The following CFDP1 variants were observed in gnomAD, a reference collection of about 807,000 sequenced individuals.
CFDP1 encodes the protein heterochromatin-stabilizing protein CFDP1.
A neutral mutation model predicts 40.1 loss-of-function variants in CFDP1; 31 were observed. The ratio of observed to expected loss-of-function variants is 0.77; its 90% CI spans 0.58 to 1.04. The LOEUF (loss-of-function observed/expected upper bound fraction) is 1.04. CFDP1 is among the 50% of genes least tolerant of loss of function. CFDP1 has a pLI of 0.00. For missense variants in CFDP1, 423 were observed against 343.4 expected, an observed-to-expected ratio of 1.23 and a Z score of -1.83; for synonymous variants, 167 against 120.0, an observed-to-expected ratio of 1.39 and a Z score of -2.56.
chr16:75,296,134 A>T (rs891423837), intron 6 of CFDP1, among the ~76,000 whole-genome samples: 2 of 152,202 alleles, frequency 1.3e-5, no homozygotes, highest in African/African-American at 4.8e-5. Context: ...TGGGGGTGTA[A>T]GAGGAATTTA....
intron 3 of CFDP1, 41 bp from the exon 4 acceptor site, chr16:75,411,993 G>C: frequency 6.4e-7 from 1 of 1,560,598 alleles, no homozygotes; most frequent in Non-Finnish European, 8.6e-7. Context: ...ACCAAAAGAT[G>C]AACCATATTG....
intron 5 of CFDP1, among the ~76,000 whole-genome samples, chr16:75,322,632 C>A (rs916912319): frequency 1.3e-5 from 2 of 151,914 alleles, no homozygotes; most frequent in African/African-American, 4.8e-5. Context: ...CATCCTAAAC[C>A]CAAAAATCTG....
chr16:75,429,890 C>G (rs1372446347), intron 1 of CFDP1, among the ~76,000 whole-genome samples: 1 of 152,208 alleles, frequency 6.6e-6, no homozygotes, highest in Non-Finnish European at 1.5e-5. Context: ...TGAGTAACCA[C>G]AGCCCATGAT....
At chr16:75,393,967 A>G (rs532385423) in intron 5 of CFDP1, among the ~76,000 whole-genome samples, 24 of 151,820 alleles carry the variant, frequency 1.6e-4, no homozygotes, top group Admixed American at 1.4e-3. Context: ...AGGCAGAAGA[A>G]TGACATGAAC....
chr16:75,328,754 A>T (rs928482205), intron 5 of CFDP1, among the ~76,000 whole-genome samples: 3 of 151,190 alleles, frequency 2.0e-5, no homozygotes, highest in African/African-American at 7.3e-5. Flanking sequence ...TCTTGGCTCA[A>T]TGCAACCTCT....
chr16:75,404,662 C>G (rs764923166), intron 4 of CFDP1, among the ~76,000 whole-genome samples: 17 of 150,964 alleles, frequency 1.1e-4, no homozygotes, highest in Non-Finnish European at 2.1e-4. Context: ...TGCAGCAATC[C>G]AAATTGAGGG....
intron 5 of CFDP1, among the ~76,000 whole-genome samples, chr16:75,335,169 G>C (rs190523344): frequency 1.4e-4 from 21 of 152,286 alleles, no homozygotes; most frequent in Admixed American, 2.6e-4. Context: ...CATAAATGTG[G>C]TAAGTTCCCC....
intron 5 of CFDP1, chr16:75,380,057 G>C (rs1369311347): frequency 1.3e-5 from 2 of 151,572 alleles, no homozygotes; most frequent in Non-Finnish European, 2.9e-5. Flanking sequence ...AAAATCGCTT[G>C]AACTCAGGAG....
At chr16:75,359,442 C>A (rs552780028) in intron 5 of CFDP1, among the ~76,000 whole-genome samples, 1 of 152,274 alleles carries the variant, frequency 6.6e-6, no homozygotes, top group East Asian at 1.9e-4. Flanking sequence ...GAGGCTAATA[C>A]GCTGTGAAGG....
At chr16:75,355,768 T>G (rs2078640799) in intron 5 of CFDP1, among the ~76,000 whole-genome samples, 1 of 152,192 alleles carries the variant, frequency 6.6e-6, no homozygotes, top group African/African-American at 2.4e-5. Flanking sequence ...CTGCTTGCAC[T>G]CATTCTCTCT....
chr16:75,403,313 G>A (rs1241606482), intron 4 of CFDP1, among the ~76,000 whole-genome samples: 1 of 152,130 alleles, frequency 6.6e-6, no homozygotes, highest in Admixed American at 6.6e-5. Flanking sequence ...CTGCCTCCTG[G>A]TCTCAAGGGA....
chr16:75,389,207 G>A (rs1278458829), intron 5 of CFDP1, among the ~76,000 whole-genome samples: 1 of 152,226 alleles, frequency 6.6e-6, no homozygotes, highest in Non-Finnish European at 1.5e-5. Context: ...CAAATGCTGA[G>A]AAAACTGGAT....
intron 5 of CFDP1, among the ~76,000 whole-genome samples, chr16:75,323,167 C>CTGTTTCT (rs984537927): frequency 6.6e-6 from 1 of 151,650 alleles, no homozygotes; most frequent in African/African-American, 2.4e-5. Flanking sequence ...TCTTTATACC[C>CTGTTTCT]TGTTTCTGTA....
chr16:75,418,431 C>A (rs1336437288), intron 1 of CFDP1, among the ~76,000 whole-genome samples: 2 of 151,432 alleles, frequency 1.3e-5, no homozygotes, highest in Non-Finnish European at 2.9e-5. Context: ...CTCAGCCTCC[C>A]GTGTAGGTGG....
intron 5 of CFDP1, among the ~76,000 whole-genome samples, chr16:75,336,219 C>T (rs72804162): frequency 0.066 from 10,114 of 152,224 alleles, 361 homozygotes; most frequent in Middle Eastern, 0.13. Context: ...GAGCAGAGAA[C>T]AAGACACTGC....
At chr16:75,429,230 C>T (rs1029611133) in intron 1 of CFDP1, among the ~76,000 whole-genome samples, 4 of 152,192 alleles carry the variant, frequency 2.6e-5, no homozygotes, top group African/African-American at 7.2e-5. Context: ...TTAATAGCAA[C>T]ATGGGAATCT....
At chr16:75,386,027 C>A (rs565738274) in intron 5 of CFDP1, among the ~76,000 whole-genome samples, 1 of 152,166 alleles carries the variant, frequency 6.6e-6, no homozygotes, top group South Asian at 2.1e-4. Context: ...AGGAATACGG[C>A]AAAATAAAGT....
At chr16:75,310,484 T>A (rs909634130) in intron 5 of CFDP1, among the ~76,000 whole-genome samples, 1 of 152,232 alleles carries the variant, frequency 6.6e-6, no homozygotes, top group Non-Finnish European at 1.5e-5. Flanking sequence ...TCAAAGTTTA[T>A]AATGATAATT....
chr16:75,380,244 T>C (rs2078841671), intron 5 of CFDP1: 1 of 152,006 alleles, frequency 6.6e-6, no homozygotes, highest in Admixed American at 6.6e-5. Context: ...ATTTTCCAGA[T>C]AAAGACCTAG....
Sources: gnomAD v4.1 joint callset for allele counts (sites outside exome capture counted in the v4.1 genomes callset) on GRCh38, gnomAD v4.1.1 for gene constraint, MANE v1.5 for transcripts, NCBI Gene and HGNC (gene_info 2026-07-23, HGNC 2026-07-21) for gene names.